ESR1: variants seen among roughly 807,000 people sequenced by gnomAD.
The protein encoded by ESR1 is estrogen receptor 1, also known as estrogen receptor.
In ESR1, 12 loss-of-function variants were observed where a neutral mutation model predicts 52.7. The ratio of observed to expected loss-of-function variants is 0.23; its 90% CI spans 0.15 to 0.37. ESR1 has a LOEUF of 0.37. Among genes scored for constraint, ESR1 ranks in the 10% least tolerant of loss-of-function variants. The pLI, the probability that ESR1 is intolerant of heterozygous loss-of-function variation, is 1.00. For missense variants in ESR1, 584 were observed against 779.7 expected (o/e 0.75, Z 2.99); for synonymous variants, 305 against 316.8 (o/e 0.96, Z 0.39).
chr6:152,038,122 A>G (rs2045470038), intron 5 of ESR1, among the ~76,000 whole-genome samples: 1 of 152,134 alleles, frequency 6.6e-6, no homozygotes, highest in Non-Finnish European at 1.5e-5. Flanking sequence ...CTGGCAAACC[A>G]CTAGTGTAGG....
At chr6:151,997,075 CA>C (rs2041554829) in intron 4 of ESR1, among the ~76,000 whole-genome samples, 1 of 145,790 alleles carries the variant, frequency 6.9e-6, no homozygotes, top group South Asian at 2.3e-4. Context: ...CTGGCCAAAA[CA>C]AAAACAAAAA....
intron 5 of ESR1, among the ~76,000 whole-genome samples, chr6:152,020,290 T>C (rs1477212895): frequency 2.0e-5 from 3 of 152,218 alleles, no homozygotes; most frequent in African/African-American, 4.8e-5. Context: ...TCATTCCTTA[T>C]GTTGGTTCTT....
chr6:151,711,174 A>G (rs1033285896), intron 2 of ESR1, among the ~76,000 whole-genome samples: 3 of 152,132 alleles, frequency 2.0e-5, no homozygotes, highest in Non-Finnish European at 4.4e-5. Context: ...CCAACAGTGT[A>G]AAAGCATTCT....
intron 2 of ESR1, among the ~76,000 whole-genome samples, chr6:151,876,202 A>G (rs1172202063): frequency 1.3e-5 from 2 of 152,178 alleles, no homozygotes; most frequent in African/African-American, 4.8e-5. Context: ...TTCAGGCTTC[A>G]CGTGCAGACA....
intron 4 of ESR1, among the ~76,000 whole-genome samples, chr6:151,985,816 GC>G (rs2040433637): frequency 6.6e-6 from 1 of 151,952 alleles, no homozygotes; most frequent in Admixed American, 6.5e-5. Context: ...ACAGGTGTGT[GC>G]CACCATCCCT....
chr6:151,800,858 G>C (rs1449866364), upstream of ESR1, among the ~76,000 whole-genome samples: 1 of 152,186 alleles, frequency 6.6e-6, no homozygotes, highest in Non-Finnish European at 1.5e-5. Context: ...GAAGGGAGGA[G>C]CTCTCGCAAA....
At chr6:151,680,372 T>G (rs1447684354) in intron 1 of ESR1, among the ~76,000 whole-genome samples, 1 of 151,834 alleles carries the variant, frequency 6.6e-6, no homozygotes, top group African/African-American at 2.4e-5. Context: ...CCCAGCTAAT[T>G]TTTATATTTT....
At chr6:151,857,162 T>C (rs1020134599) in intron 2 of ESR1, among the ~76,000 whole-genome samples, 1 of 152,010 alleles carries the variant, frequency 6.6e-6, no homozygotes, top group Non-Finnish European at 1.5e-5. Flanking sequence ...CGACTGCAAA[T>C]CAAAACTATT....
At chr6:152,048,904 T>C (rs889273511) in intron 5 of ESR1, among the ~76,000 whole-genome samples, 2 of 152,240 alleles carry the variant, frequency 1.3e-5, no homozygotes, top group Non-Finnish European at 2.9e-5. Context: ...ACAGAATCTG[T>C]TCATCTAAGT....
At chr6:151,790,192 G>A (rs1211108192) in intron 2 of ESR1, among the ~76,000 whole-genome samples, 1 of 152,204 alleles carries the variant, frequency 6.6e-6, no homozygotes, top group Admixed American at 6.5e-5. Context: ...TGGGCTGGAT[G>A]CAAACTGAAC....
upstream of ESR1, among the ~76,000 whole-genome samples, chr6:151,689,563 A>G (rs956512379): frequency 2.0e-5 from 3 of 152,210 alleles, no homozygotes; most frequent in South Asian, 2.1e-4. Flanking sequence ...TGATTTCAAA[A>G]TGTTTTAAAG....
intron 2 of ESR1, among the ~76,000 whole-genome samples, chr6:151,769,913 G>A (rs1201400909): frequency 1.3e-5 from 2 of 152,016 alleles, no homozygotes; most frequent in South Asian, 2.1e-4. Context: ...CTGCAGTCCC[G>A]GCTACTCGGG....
intron 3 of ESR1, among the ~76,000 whole-genome samples, chr6:151,939,507 T>A (rs9371562): frequency 0.025 from 3,840 of 152,290 alleles, 108 homozygotes; most frequent in East Asian, 0.076. Flanking sequence ...GAATAAGCTG[T>A]ATGTTCCATA....
In ESR1 at chr6:152,099,037, C is replaced by A; in HGVS notation, c.*71C>A. ...TACCCTCATCATGCACCACTTTAGC[C>A]AAATTCTGTCTCCTGCATACACTCC... On this transcript the variant is annotated 3_prime_UTR_variant, in exon 8 of 8. Coordinates refer to ENST00000206249, the MANE Select transcript of ESR1 (RefSeq NM_000125.4). The A allele has an allele frequency of 1.6e-6, 2 of 1,248,572 alleles. No individual in the cohort carries two copies. The highest frequency in any genetic ancestry group is 2.3e-6 in the Non-Finnish European group (2 of 863,040). 77.3% of individuals were successfully genotyped at this position (1,248,572 alleles called of 1,614,324 possible). A position where few individuals can be genotyped will look rare whatever the true frequency, so the allele number is the denominator to read the frequency against.
At chr6:152,011,335 A>G (rs2042748049) in intron 4 of ESR1, among the ~76,000 whole-genome samples, 1 of 152,158 alleles carries the variant, frequency 6.6e-6, no homozygotes, top group Non-Finnish European at 1.5e-5. Context: ...ACAGGTTACT[A>G]TTATAGCTGT....
intron 4 of ESR1, among the ~76,000 whole-genome samples, chr6:151,986,878 A>G (rs1198325597): frequency 6.6e-6 from 1 of 151,822 alleles, no homozygotes; most frequent in Admixed American, 6.6e-5. Context: ...TTTTTGTTGT[A>G]TGCTCACGGA....
intron 2 of ESR1, among the ~76,000 whole-genome samples, chr6:151,875,307 A>C (rs1177786206): frequency 6.6e-6 from 1 of 152,186 alleles, no homozygotes; most frequent in African/African-American, 2.4e-5. Context: ...TAGAATGGCC[A>C]TCATATTGTT....
chr6:152,063,596 C>T (rs1480928819), intron 6 of ESR1, among the ~76,000 whole-genome samples: 1 of 152,184 alleles, frequency 6.6e-6, no homozygotes, highest in Non-Finnish European at 1.5e-5. Flanking sequence ...TCATATGAAG[C>T]ATGTGGTCAT....
exon 7 of ESR1, chr6:152,125,807 CA>C (rs2053206832): frequency 6.5e-6 from 1 of 153,254 alleles, no homozygotes; most frequent in African/African-American, 2.4e-5. Flanking sequence ...ATTCTTTGTG[CA>C]ATTAGGTCAA....
Sources: gnomAD v4.1 joint callset for allele counts (sites outside exome capture counted in the v4.1 genomes callset) on GRCh38, gnomAD v4.1.1 for gene constraint, MANE v1.5 for transcripts, NCBI Gene and HGNC (gene_info 2026-07-23, HGNC 2026-07-21) for gene names.